Variants in WDR87 observed in about 807,000 individuals in gnomAD.
WDR87 encodes the protein WD repeat-containing protein 87.
WDR87 carries 56 observed loss-of-function variants against 83.3 expected under a neutral mutation model. The ratio of observed to expected loss-of-function variants is 0.67; its 90% CI spans 0.54 to 0.84. The LOEUF (loss-of-function observed/expected upper bound fraction) is 0.84, where lower values mean the gene tolerates loss of function less well. Among genes scored for constraint, WDR87 ranks in the 40% least tolerant of loss-of-function variants. The pLI is 0.00. For synonymous variants in WDR87, 1,173 were observed against 1,250.6 expected (o/e 0.94, Z 1.31); for missense variants, 2,939 against 3,431.9 (o/e 0.86, Z 3.59).
Position 37,894,846 on chromosome 19 carries a change from A to G in WDR87, c.857T>C (p.Val286Ala). 1 of 1,551,472 alleles carries G rather than the reference A, an allele frequency of 6.4e-7. No individual in the cohort carries two copies. The highest frequency in any genetic ancestry group is 8.7e-7 in the Non-Finnish European group (1 of 1,146,952). Residue 286 changes from valine to alanine, a missense_variant, in exon 4 of 6, where the codon GTG becomes GCG. By Grantham distance (64) the Val-to-Ala change is moderately conservative. Transcript: ENST00000447313. Reference protein sequence around the residue: ...LHSFQAHQSGVICIRSRPEAH... With the variant: ...LHSFQAHQSGAICIRSRPEAH... ...CTCTGGTCGGCTGCGGATACAGATC[A>G]CTCCTGATTGATGGGCCTGGAAACT...
Position 37,888,595 on chromosome 19 carries a change from C to G in WDR87, c.5076G>C (p.Gln1692His). 6.4e-7 allele frequency: 1 copy of G among 1,551,956 alleles called. No homozygotes were observed. ...TLAQRGEKLS[Q>H]EAEKLAQKRK... ...TTTTCTGGGCCAATTTCTCCGCCTC[C>G]TGGCTTAGCTTCTCCCCTCTTTGGG... is the stretch of plus-strand genomic sequence containing the variant. Residue 1692 changes from glutamine to histidine, a missense_variant, in exon 6 of 6, where the codon CAG becomes CAC. Physicochemically the swap from Gln to His is conservative, Grantham distance 24. Coordinates refer to ENST00000447313, the MANE Select transcript of WDR87 (RefSeq NM_001291088.2).
intron 1 of WDR87, among the ~76,000 whole-genome samples, chr19:37,904,200 C>A (rs999016844): frequency 6.6e-6 from 1 of 152,074 alleles, no homozygotes; most frequent in Non-Finnish European, 1.5e-5. Context: ...CTGCGCCCGG[C>A]CATTAAACAA....
intron 1 of WDR87, among the ~76,000 whole-genome samples, chr19:37,902,018 C>G (rs1404583187): frequency 8.7e-6 from 1 of 114,540 alleles, no homozygotes; most frequent in Non-Finnish European, 1.7e-5. Context: ...ACCTGGCCCT[C>G]TATGTTTATT....
chr19:37,887,799 C>T lies in WDR87; in HGVS notation c.5872G>A (p.Val1958Ile), dbSNP rs771874797. ...LAETEKKLVQVEDSLAKKQEK... is the reference protein window; with the variant it reads ...LAETEKKLVQIEDSLAKKQEK... ...TGTTTTTTGGCCAAACTATCCTCTACTTGGACCAATTTTTTCTCTGTTTCA... is the reference window on the plus strand; with the variant it reads ...TGTTTTTTGGCCAAACTATCCTCTATTTGGACCAATTTTTTCTCTGTTTCA... The change falls in exon 6 of 6, where the codon GTA becomes ATA. Residue 1958 changes from valine to isoleucine, a missense_variant. Coordinates refer to ENST00000447313, the MANE Select transcript of WDR87 (RefSeq NM_001291088.2). 1.3e-6 allele frequency: 2 copies of T among 1,551,290 alleles called. No individual in the cohort carries two copies. Among genetic ancestry groups the T allele is most frequent in the Admixed American group, 3.9e-5 (2 of 50,822 alleles).
intron 1 of WDR87, among the ~76,000 whole-genome samples, chr19:37,904,383 G>A (rs2046310875): frequency 1.3e-5 from 2 of 149,282 alleles, no homozygotes; most frequent in Middle Eastern, 3.4e-3. Flanking sequence ...TTTTGAGATG[G>A]AGTCTCTGTC....
At chr19:37,891,319 A>C (rs2046203155) in intron 5 of WDR87, among the ~76,000 whole-genome samples, 1 of 151,828 alleles carries the variant, frequency 6.6e-6, no homozygotes, top group African/African-American at 2.4e-5. Context: ...ACCCACCATC[A>C]TGCCTGGCTA....
chr19:37,900,268 A>G (rs2046285015), intron 1 of WDR87, among the ~76,000 whole-genome samples: 1 of 152,184 alleles, frequency 6.6e-6, no homozygotes, highest in African/African-American at 2.4e-5. Flanking sequence ...AGGGCAGATC[A>G]AGACTAAGAT....
Position 37,885,867 on chromosome 19 carries a change from C to T in WDR87, c.7804G>A (p.Glu2602Lys). The change falls in exon 6 of 6, where the codon GAA (glutamate) becomes AAA (lysine). Residue 2602 changes from glutamate to lysine, a missense_variant. By Grantham distance (56) the Glu-to-Lys change is moderately conservative. This residue lies in a region of WDR87 where 2,160 missense variants were observed against 2,533.1 expected (regional missense o/e 0.85). Transcript: ENST00000447313. ...LKDLASKGNL[E>K]WLHLAKHEAI... is the part of the protein sequence containing the mutation. ...TCATGTTTGGCCAGATGCAGCCATT[C>T]TAAGTTTCCCTTTGAGGCAAGGTCT... The T allele has an allele frequency of 1.3e-6, 2 of 1,552,210 alleles. No homozygotes were observed. The highest frequency in any genetic ancestry group is 1.4e-5 in the African/African-American group (1 of 73,174).
intron 1 of WDR87, among the ~76,000 whole-genome samples, chr19:37,900,343 C>T (rs1050751768): frequency 5.3e-5 from 8 of 151,732 alleles, no homozygotes; most frequent in South Asian, 4.2e-4. Flanking sequence ...GGGTGGATCA[C>T]GAGGTCAGGA....
rs934092610 is a variant in WDR87 at position 37,906,499 on chromosome 19, C to A, written c.-47G>T. On this transcript the variant is annotated splice_region_variant and 5_prime_UTR_variant, in exon 1 of 6. It adds an upstream start codon to the 5' untranslated region. Transcript: ENST00000447313. ...TCAAAGCATTGGCTGCGCCTGTTAC[C>A]TGCGACAGGATTCCCGACAAGGGAC... 3 of 152,168 alleles carry A rather than the reference C, an allele frequency of 2.0e-5. No homozygotes were observed. Among genetic ancestry groups the A allele is most frequent in the African/African-American group, 7.2e-5 (3 of 41,452 alleles). The allele number at this position is 152,168 out of a possible 1,614,324, so 9.4% of individuals were successfully genotyped here.
In WDR87 at chr19:37,890,253, T is replaced by C. The variant is rs751566751; in HGVS notation, c.3418A>G (p.Lys1140Glu). 3 of 1,533,936 alleles carry C rather than the reference T, an allele frequency of 2.0e-6. No individual in the cohort carries two copies. In the South Asian group the frequency reaches 3.7e-5, roughly 19 times the overall value. ...KHSQKWLRGL[K>E]KTKERDSKQM... ...TTAGAGTCTCTCTCTTTCGTCTTCT[T>C]GAGACCCCGCAACCATTTTTGGCCT... Residue 1140 changes from lysine to glutamate, a missense_variant, in exon 6 of 6, where the codon AAG (lysine) becomes GAG (glutamate). Physicochemically the swap from Lys to Glu is moderately conservative, Grantham distance 56 (BLOSUM62 1). Around this residue, in one of 3 missense-constraint regions of WDR87, gnomAD observed 2,160 missense variants for 2,533.1 expected, o/e 0.85. Coordinates refer to ENST00000447313, the MANE Select transcript of WDR87 (RefSeq NM_001291088.2).
At chr19:37,904,076 G>T (rs1257658108) in intron 1 of WDR87, among the ~76,000 whole-genome samples, 1 of 151,678 alleles carries the variant, frequency 6.6e-6, no homozygotes, top group Admixed American at 6.6e-5. Context: ...CTAATTTTTT[G>T]TATTTTTAAT....
chr19:37,890,371 A>G, intron 5 of WDR87, 95 bp from the exon 6 acceptor site: 2 of 1,387,016 alleles, frequency 1.4e-6, no homozygotes, highest in Non-Finnish European at 9.4e-7. Context: ...GAACTGTCAT[A>G]TAAGAAGTAA....
Position 37,889,221 on chromosome 19 carries a change from CTT to C in WDR87, c.4448_4449del (p.Gln1483ArgfsTer8). On this transcript the variant is annotated frameshift_variant, in exon 6 of 6. Transcript: ENST00000447313. LOFTEE classifies it low-confidence loss of function (END_TRUNC). Reference sequence around the variant, plus strand: ...CTCTCAATCATAACCAGTTTTCCTTCTTGTTTGACCACTTTCTCCTCTAGTGT... The same window carrying C: ...CTCTCAATCATAACCAGTTTTCCTTCGTTTGACCACTTTCTCCTCTAGTGT... The part of the protein sequence containing the change: ...MATLEEKVVK[Q>X]EGKLVMIERT... 1.3e-6 allele frequency: 2 copies of C among 1,552,160 alleles called. No homozygotes were observed. Among genetic ancestry groups the C allele is most frequent in the Non-Finnish European group, 1.7e-6 (2 of 1,147,104 alleles).
intron 1 of WDR87, among the ~76,000 whole-genome samples, chr19:37,901,418 G>A (rs1296024089): frequency 6.6e-6 from 1 of 152,072 alleles, no homozygotes; most frequent in African/African-American, 2.4e-5. Flanking sequence ...GTGATAGGGC[G>A]AGACTCCATC....
chr19:37,886,731 C>CTTCCTCCTCCTCCTTCCT lies in WDR87; in HGVS notation c.6922_6939dup (p.Arg2308_Glu2313dup). 8 of 1,431,490 alleles carry CTTCCTCCTCCTCCTTCCT rather than the reference C, an allele frequency of 5.6e-6. No individual in the cohort carries two copies. The highest frequency in any genetic ancestry group is 2.6e-5 in the South Asian group (2 of 75,498). 88.7% of individuals were successfully genotyped at this position (1,431,490 alleles called of 1,614,324 possible). A position where few individuals can be genotyped will look rare whatever the true frequency, so the allele number is the denominator to read the frequency against. On this transcript the variant is annotated inframe_insertion, in exon 6 of 6. Transcript: ENST00000447313. The stretch of plus-strand genomic sequence containing the variant: ...TCTTTCTCCACTTGCTTCTCCTCCC[C>CTTCCTCCTCCTCCTTCCT]TTCCTCCTCCTCCTTCCTTTCCTCC...
At chr19:37,902,465 G>A (rs752619453) in intron 1 of WDR87, among the ~76,000 whole-genome samples, 1 of 152,092 alleles carries the variant, frequency 6.6e-6, no homozygotes, top group South Asian at 2.1e-4. Context: ...TCATCTGCCC[G>A]CCTCAGCCTC....
chr19:37,899,355 G>T (rs2046279314), intron 1 of WDR87, among the ~76,000 whole-genome samples: 1 of 136,820 alleles, frequency 7.3e-6, no homozygotes, highest in Non-Finnish European at 1.5e-5. Flanking sequence ...GGAGGCAGAG[G>T]CTGCAGTAAA....
rs1371018929 is a variant in WDR87, at chr19:37,892,681, T to C, written c.3022A>G (p.Arg1008Gly). Residue 1008 changes from arginine (R) to glycine (G), a missense_variant, in exon 4 of 6, where the codon AGA becomes GGA. By Grantham distance (125) the Arg-to-Gly change is moderately radical (BLOSUM62 -2). Transcript: ENST00000447313. The part of the protein sequence containing the change: ...LAQGLMDKDE[R>G]VRIKTLSLMA... Reference sequence around the variant, plus strand: ...AGGCTTAGGGTCTTGATCCTCACTCTTTCATCCTTGTCCATTAATCCTTGA... The same window carrying C: ...AGGCTTAGGGTCTTGATCCTCACTCCTTCATCCTTGTCCATTAATCCTTGA... The C allele has an allele frequency of 5.2e-6, 8 of 1,551,868 alleles. 1 individual carries two copies.
Sources: gnomAD v4.1 joint callset for allele counts (sites outside exome capture counted in the v4.1 genomes callset) on GRCh38, gnomAD v4.1.1 for gene constraint, gnomAD v4.1.1 regional missense constraint, MANE v1.5 for transcripts, NCBI Gene and HGNC (gene_info 2026-07-23, HGNC 2026-07-21) for gene names.